Variants in AKAP6 observed in about 807,000 individuals in gnomAD.
AKAP6 encodes A-kinase anchor protein 6.
In AKAP6, 58 loss-of-function variants were observed where a neutral mutation model predicts 188.5. That is an observed-to-expected ratio of 0.31 (90% CI 0.25 to 0.38). AKAP6 has a LOEUF of 0.38. AKAP6 is among the 10% of genes least tolerant of loss of function. AKAP6 has a pLI of 1.00. For missense variants in AKAP6, 2,710 were observed against 2,740.0 expected (o/e 0.99, Z 0.24); for synonymous variants, 989 against 998.6 (o/e 0.99, Z 0.18).
At chr14:32,787,736 C>G (rs1305549928) in intron 12 of AKAP6, among the ~76,000 whole-genome samples, 2 of 152,124 alleles carry the variant, frequency 1.3e-5, no homozygotes, top group Non-Finnish European at 2.9e-5. Flanking sequence ...AAACAGCTCT[C>G]TTCTTTAGAG....
intron 11 of AKAP6, among the ~76,000 whole-genome samples, chr14:32,741,203 CTGATTTTGTTATGT>C (rs1388018377): frequency 8.6e-5 from 13 of 151,872 alleles, no homozygotes; most frequent in African/African-American, 3.1e-4. Context: ...AGAAACGCTA[CTGATTTTGTTATGT>C]TGATTTTGTA....
At chr14:32,463,336 C>A (rs1891416443) in intron 2 of AKAP6, among the ~76,000 whole-genome samples, 1 of 152,160 alleles carries the variant, frequency 6.6e-6, no homozygotes, top group Non-Finnish European at 1.5e-5. Flanking sequence ...CTAAAATCAA[C>A]CGCATAACTG....
chr14:32,813,650 A>C (rs924487291), intron 12 of AKAP6, among the ~76,000 whole-genome samples: 1 of 152,148 alleles, frequency 6.6e-6, no homozygotes, highest in Admixed American at 6.5e-5. Flanking sequence ...TATATTTCCT[A>C]TTATACCACA....
At chr14:32,381,279 G>T (rs1265188234) in intron 1 of AKAP6, among the ~76,000 whole-genome samples, 1 of 152,042 alleles carries the variant, frequency 6.6e-6, no homozygotes, top group Non-Finnish European at 1.5e-5. Flanking sequence ...GGCAGAAGTT[G>T]CAGTGAGCCA....
chr14:32,671,873 A>G (rs1889212138), intron 7 of AKAP6, among the ~76,000 whole-genome samples: 1 of 152,232 alleles, frequency 6.6e-6, no homozygotes, highest in South Asian at 2.1e-4. Flanking sequence ...ACGTGAAGTG[A>G]TAAATCAGTC....
intron 12 of AKAP6, among the ~76,000 whole-genome samples, chr14:32,809,504 C>A (rs2034169475): frequency 6.6e-6 from 1 of 152,186 alleles, no homozygotes; most frequent in Non-Finnish European, 1.5e-5. Flanking sequence ...TCCAGCTTCA[C>A]CTTCCCCAGC....
At chr14:32,331,681 A>G (rs967247184) in intron 1 of AKAP6, among the ~76,000 whole-genome samples, 4 of 151,898 alleles carry the variant, frequency 2.6e-5, no homozygotes, top group Admixed American at 2.0e-4. Context: ...ATATATCCCC[A>G]AGGGGTAGAT....
At chr14:32,613,623 G>A (rs1395307047) in intron 7 of AKAP6, among the ~76,000 whole-genome samples, 1 of 152,138 alleles carries the variant, frequency 6.6e-6, no homozygotes, top group Non-Finnish European at 1.5e-5. Context: ...GGGCTCAATA[G>A]CATCAGTGAT....
intron 9 of AKAP6, among the ~76,000 whole-genome samples, chr14:32,729,937 A>C (rs1253626795): frequency 6.6e-6 from 1 of 152,136 alleles, no homozygotes; most frequent in Non-Finnish European, 1.5e-5. Context: ...TTATCTTCTC[A>C]CCACAGGATA....
chr14:32,412,320 A>G (rs567843933), intron 1 of AKAP6, among the ~76,000 whole-genome samples: 67 of 152,338 alleles, frequency 4.4e-4, no homozygotes, highest in Non-Finnish European at 7.4e-5. Flanking sequence ...TGCTATGCAG[A>G]AGAGTCTGAG....
intron 5 of AKAP6, among the ~76,000 whole-genome samples, chr14:32,597,300 G>A (rs374599409): frequency 6.6e-6 from 1 of 152,152 alleles, no homozygotes; most frequent in African/African-American, 2.4e-5. Context: ...TCTATTGTAA[G>A]TAAACAGTGA....
intron 1 of AKAP6, chr14:32,402,987 CT>C (rs1889149035): frequency 6.6e-6 from 1 of 152,266 alleles, no homozygotes; most frequent in Admixed American, 6.5e-5. Context: ...CCACCTTGGC[CT>C]CCCAAAGTGC....
intron 5 of AKAP6, among the ~76,000 whole-genome samples, chr14:32,591,206 A>G (rs1052489596): frequency 1.3e-5 from 2 of 152,170 alleles, no homozygotes; most frequent in East Asian, 1.9e-4. Context: ...CTCCTTTTCA[A>G]TCAGGGCCTC....
chr14:32,632,530 C>A (rs1887318015), intron 7 of AKAP6, among the ~76,000 whole-genome samples: 2 of 152,000 alleles, frequency 1.3e-5, no homozygotes, highest in African/African-American at 2.4e-5. Context: ...AGAGAATGTT[C>A]TAGTATCAGC....
rs564850190 is a variant in AKAP6, at chr14:32,360,949, A to G, written c.-35+31541A>G. 1.3e-4 allele frequency among the ~76,000 whole-genome samples: 19 copies of G among 151,398 alleles called. No individual in the cohort carries two copies. The South Asian group carries it at 3.8e-3, about 30-fold the overall frequency. Reference sequence around the variant, plus strand: ...TTTTTGTAGAGATGGGGGTCTCACTATATTGCCCTGGCTACTCTTGAACTC... The same window carrying G: ...TTTTTGTAGAGATGGGGGTCTCACTGTATTGCCCTGGCTACTCTTGAACTC... On this transcript the variant is annotated intron_variant, in intron 1 of 13. Transcript: ENST00000280979.
At chr14:32,334,151 A>C (rs1351399338) in intron 1 of AKAP6, among the ~76,000 whole-genome samples, 1 of 152,168 alleles carries the variant, frequency 6.6e-6, no homozygotes, top group Non-Finnish European at 1.5e-5. Flanking sequence ...ATGGCAACAG[A>C]GTTTTAGGTA....
intron 7 of AKAP6, among the ~76,000 whole-genome samples, chr14:32,626,131 C>T (rs927063): frequency 0.053 from 8,136 of 152,190 alleles, 307 homozygotes; most frequent in Non-Finnish European, 0.081. Context: ...CAGGCCTCAT[C>T]GTCAAGTCAG....
chr14:32,721,145 C>T (rs1187010732), intron 9 of AKAP6, among the ~76,000 whole-genome samples: 1 of 152,034 alleles, frequency 6.6e-6, no homozygotes, highest in Non-Finnish European at 1.5e-5. Context: ...ATAATGAAAC[C>T]ATAATTAGAG....
At chr14:32,462,142 T>C (rs545442951) in intron 2 of AKAP6, among the ~76,000 whole-genome samples, 82 of 152,230 alleles carry the variant, frequency 5.4e-4, no homozygotes, top group African/African-American at 1.7e-3. Flanking sequence ...TGGAACCAAG[T>C]TGGAAAACAC....
Sources: allele counts gnomAD v4.1 joint callset (sites outside exome capture counted in the v4.1 genomes callset), GRCh38; gene constraint gnomAD v4.1.1; transcripts MANE v1.5; gene names NCBI Gene and HGNC (gene_info 2026-07-23, HGNC 2026-07-21).